Variants in ZNF609 observed in about 807,000 individuals in gnomAD.
ZNF609 encodes the protein zinc finger protein 609.
In ZNF609, 11 loss-of-function variants were observed where a neutral mutation model predicts 109.5. The ratio of observed to expected loss-of-function variants is 0.10; its 90% CI spans 0.06 to 0.17. The LOEUF (loss-of-function observed/expected upper bound fraction) is 0.17. Among genes scored for constraint, ZNF609 ranks in the 10% least tolerant of loss-of-function variants. The pLI is 1.00. For missense variants in ZNF609, 1,559 were observed against 1,772.4 expected (o/e 0.88, Z 2.16); for synonymous variants, 646 against 662.0 (o/e 0.98, Z 0.37).
intron 2 of ZNF609, among the ~76,000 whole-genome samples, chr15:64,539,156 A>G (rs1047536955): frequency 1.4e-5 from 2 of 143,318 alleles, no homozygotes; most frequent in Admixed American, 1.4e-4. Flanking sequence ...GGCGCCTGCC[A>G]CCATGCCTTA....
At chr15:64,464,336 C>T (rs1892982237) in intron 1 of ZNF609, among the ~76,000 whole-genome samples, 1 of 152,180 alleles carries the variant, frequency 6.6e-6, no homozygotes, top group Non-Finnish European at 1.5e-5. Flanking sequence ...TATGTGTTCT[C>T]CAGAAGTTCC....
At chr15:64,517,639 G>A (rs572894596) in intron 2 of ZNF609, among the ~76,000 whole-genome samples, 2 of 152,098 alleles carry the variant, frequency 1.3e-5, no homozygotes, top group African/African-American at 4.8e-5. Flanking sequence ...GAAGGCTGAG[G>A]TGGGAAGTTC....
chr15:64,586,390 C>T (rs555174265), intron 2 of ZNF609, among the ~76,000 whole-genome samples: 26 of 151,794 alleles, frequency 1.7e-4, no homozygotes, highest in Non-Finnish European at 3.2e-4. Flanking sequence ...TCTACTGTGG[C>T]CTTGATAGCT....
chr15:64,528,856 G>C, intron 2 of ZNF609: 1 of 883,150 alleles, frequency 1.1e-6, no homozygotes, highest in Admixed American at 1.8e-5. Context: ...TGTAGCCCAG[G>C]ATGCTCTTGA....
chr15:64,543,255 C>CTTTTTTTTTTT (rs77646116), intron 2 of ZNF609, among the ~76,000 whole-genome samples: 1 of 113,316 alleles, frequency 8.8e-6, no homozygotes, highest in African/African-American at 3.4e-5. Context: ...TTTGTTGTTG[C>CTTTTTTTTTTT]TTTTTTTTTT....
intron 2 of ZNF609, among the ~76,000 whole-genome samples, chr15:64,619,008 C>T (rs1895841454): frequency 6.6e-6 from 1 of 152,154 alleles, no homozygotes; most frequent in African/African-American, 2.4e-5. Flanking sequence ...GGACCATGCC[C>T]TCCTCTACCC....
At chr15:64,512,935 T>G (rs1306623524) in intron 2 of ZNF609, among the ~76,000 whole-genome samples, 1 of 152,130 alleles carries the variant, frequency 6.6e-6, no homozygotes. Context: ...ATCCAGGTAA[T>G]AAGCAAGCAA....
chr15:64,484,690 A>C (rs924729814), intron 1 of ZNF609, among the ~76,000 whole-genome samples: 1 of 141,706 alleles, frequency 7.1e-6, no homozygotes, highest in African/African-American at 2.7e-5. Context: ...AAAAAAAAAA[A>C]AAAAGCTGGA....
In ZNF609 at chr15:64,630,672, T is replaced by G. The variant is rs574665465; in HGVS notation, c.973+7620T>G. ...GAGAAGAAATGGAGTTTCACCGTGT[T>G]AGCCAGGCTTATCTCAGACTCCTGG... On this transcript the variant is annotated intron_variant, in intron 3 of 9. Transcript: ENST00000326648. Among the ~76,000 whole-genome samples the G allele has an allele frequency of 3.3e-5, 5 of 151,842 alleles. No homozygotes were observed. The South Asian group carries it at 1.0e-3, about 32-fold the overall frequency.
At chr15:64,568,542 G>A (rs887815489) in intron 2 of ZNF609, among the ~76,000 whole-genome samples, 3 of 152,054 alleles carry the variant, frequency 2.0e-5, no homozygotes, top group Non-Finnish European at 2.9e-5. Context: ...ATTTCCATGC[G>A]TCAGTAGTTC....
At chr15:64,680,131 A>G in intron 6 of ZNF609, 54 bp from the exon 7 acceptor site, 1 of 1,591,662 alleles carries the variant, frequency 6.3e-7, no homozygotes, top group Admixed American at 1.7e-5. Flanking sequence ...TCACTAAAGC[A>G]GAGTTTCCTC....
At chr15:64,556,014 C>T (rs1420503662) in intron 2 of ZNF609, among the ~76,000 whole-genome samples, 3 of 143,858 alleles carry the variant, frequency 2.1e-5, no homozygotes, top group East Asian at 2.0e-4. Context: ...TAGTTGGAGA[C>T]AGGGTCTCTC....
At chr15:64,560,199 C>T (rs1894653834) in intron 2 of ZNF609, among the ~76,000 whole-genome samples, 1 of 152,098 alleles carries the variant, frequency 6.6e-6, no homozygotes, top group Non-Finnish European at 1.5e-5. Flanking sequence ...GTGCATGCCA[C>T]CACACCTGGC....
At chr15:64,478,248 G>A (rs956818655) in intron 1 of ZNF609, among the ~76,000 whole-genome samples, 12 of 148,216 alleles carry the variant, frequency 8.1e-5, no homozygotes, top group African/African-American at 3.0e-4. Flanking sequence ...GAGGACAGTG[G>A]CTATTCACAG....
chr15:64,625,644 A>G (rs1895941288), intron 3 of ZNF609, among the ~76,000 whole-genome samples: 2 of 151,834 alleles, frequency 1.3e-5, no homozygotes, highest in Non-Finnish European at 2.9e-5. Flanking sequence ...TAATCCCAGC[A>G]CTTTAGGAGG....
chr15:64,595,339 C>T (rs771776033), intron 2 of ZNF609, among the ~76,000 whole-genome samples: 10 of 143,348 alleles, frequency 7.0e-5, no homozygotes, highest in East Asian at 2.0e-4. Flanking sequence ...CCAGCCTGGG[C>T]GACAGAGGAA....
rs1261463655 is a variant in ZNF609 at position 64,577,636 on chromosome 15, A to T, written c.748-45191A>T. 5.6e-4 allele frequency among the ~76,000 whole-genome samples: 20 copies of T among 36,016 alleles called. 1 individual carries two copies. The highest frequency in any genetic ancestry group is 1.4e-3 in the South Asian group (3 of 2,210). 23.6% of individuals were successfully genotyped at this position (36,016 alleles called of 152,430 possible). On this transcript the variant is annotated intron_variant, in intron 2 of 9. Transcript: ENST00000326648. ...ATATATGTGTATATATACACATATA[A>T]ATATATACATATATATGTGTATATA...
rs117331562 is a variant in ZNF609 at position 64,609,215 on chromosome 15, T to C, written c.748-13612T>C. Among the ~76,000 whole-genome samples the C allele has an allele frequency of 2.0e-4, 31 of 151,524 alleles. No individual in the cohort carries two copies. In the East Asian group the frequency reaches 4.9e-3, roughly 24 times the overall value. On this transcript the variant is annotated intron_variant, in intron 2 of 9. Transcript: ENST00000326648. Reference sequence around the variant, plus strand: ...GTCCTTTCTTTTACTTTCTTTCTTATCACTCTGTCGCCCAGGCTGGAGTGC... The same window carrying C: ...GTCCTTTCTTTTACTTTCTTTCTTACCACTCTGTCGCCCAGGCTGGAGTGC...
intron 3 of ZNF609, among the ~76,000 whole-genome samples, chr15:64,645,906 A>C (rs1325085424): frequency 6.6e-6 from 1 of 152,200 alleles, no homozygotes; most frequent in Non-Finnish European, 1.5e-5. Context: ...GATGTGGAGA[A>C]ATTGGAACCC....
Sources: gnomAD v4.1 joint callset for allele counts (sites outside exome capture counted in the v4.1 genomes callset) on GRCh38, gnomAD v4.1.1 for gene constraint, MANE v1.5 for transcripts, NCBI Gene and HGNC (gene_info 2026-07-23, HGNC 2026-07-21) for gene names.